Variants in STRN3 observed in about 807,000 individuals in gnomAD.
STRN3 encodes striatin-3.
A neutral mutation model predicts 95.6 loss-of-function variants in STRN3; 29 were observed. That is an observed-to-expected ratio of 0.30 (90% CI 0.23 to 0.41). The LOEUF is 0.41. STRN3 is among the 10% of genes least tolerant of loss of function. The pLI is 1.00. For synonymous variants in STRN3, 331 were observed against 357.6 expected, an observed-to-expected ratio of 0.93 and a Z score of 0.84; for missense variants, 890 against 972.1, an observed-to-expected ratio of 0.92 and a Z score of 1.12.
At chr14:31,025,234 G>A (rs568908450) in intron 1 of STRN3, 1 of 152,556 alleles carries the variant, frequency 6.6e-6, no homozygotes, top group Admixed American at 6.5e-5. Flanking sequence ...AGTGCTGAAA[G>A]CGTTGATGAG....
chr14:30,981,359 C>G (rs981211995), intron 1 of STRN3, among the ~76,000 whole-genome samples: 3 of 151,948 alleles, frequency 2.0e-5, no homozygotes, highest in African/African-American at 2.4e-5. Flanking sequence ...ATGTTGGCAC[C>G]CACACCTGTT....
chr14:30,934,499 T>C (rs963710365), intron 7 of STRN3, among the ~76,000 whole-genome samples: 3 of 152,166 alleles, frequency 2.0e-5, no homozygotes, highest in Admixed American at 6.5e-5. Context: ...TACACTTATT[T>C]TACTTCCTAA....
intron 14 of STRN3, among the ~76,000 whole-genome samples, 170 bp downstream of exon 14, chr14:30,906,707 T>C (rs951832863): frequency 5.3e-5 from 8 of 152,210 alleles, no homozygotes; most frequent in South Asian, 2.1e-4. Context: ...CTACAGGACA[T>C]AGTTGCAAAG....
intron 1 of STRN3, among the ~76,000 whole-genome samples, chr14:30,974,912 G>T (rs1881016117): frequency 6.6e-6 from 1 of 151,772 alleles, no homozygotes; most frequent in Non-Finnish European, 1.5e-5. Context: ...GCTTGACACA[G>T]AGTTGCCACA....
At position 30,895,457 on chromosome 14, in the gene STRN3, T is replaced by C; in HGVS notation, c.2348A>G (p.Tyr783Cys). Residue 783 changes from tyrosine (Y) to cysteine (C), a missense_variant, in exon 18 of 18, where the codon TAT becomes TGT. By Grantham distance (194) the Tyr-to-Cys change is radical (BLOSUM62 -2). This residue lies in a region of STRN3 where 357 missense variants were observed against 422.8 expected (regional missense o/e 0.84). Transcript: ENST00000357479. The part of the protein sequence containing the change: ...YDVAFHSSKA[Y>C]IASAGADALA... ...AGCATCAGCTCCTGCACTAGCTATATATGCTTTTGACGAGTGGAAAGCAAC... is the reference window on the plus strand; with the variant it reads ...AGCATCAGCTCCTGCACTAGCTATACATGCTTTTGACGAGTGGAAAGCAAC... 1 of 1,613,958 alleles carries C rather than the reference T, an allele frequency of 6.2e-7. No homozygotes were observed. Among genetic ancestry groups the C allele is most frequent in the Non-Finnish European group, 8.5e-7 (1 of 1,179,962 alleles).
intron 1 of STRN3, among the ~76,000 whole-genome samples, chr14:30,980,745 A>G (rs1243304555): frequency 6.6e-6 from 1 of 152,288 alleles, no homozygotes; most frequent in East Asian, 1.9e-4. Context: ...GCTTTGACAA[A>G]TAACTTCACA....
At chr14:31,010,270 T>G (rs1269927396) in intron 1 of STRN3, among the ~76,000 whole-genome samples, 1 of 152,014 alleles carries the variant, frequency 6.6e-6, no homozygotes, top group Admixed American at 6.6e-5. Context: ...AAGGTACATG[T>G]GCACAATGTG....
chr14:30,931,634 A>G (rs1378693990), intron 7 of STRN3, among the ~76,000 whole-genome samples: 1 of 152,230 alleles, frequency 6.6e-6, no homozygotes, highest in Non-Finnish European at 1.5e-5. Flanking sequence ...GATCAAAGAT[A>G]GGAGACAATA....
chr14:30,975,549 A>AG (rs1312581266), intron 1 of STRN3, among the ~76,000 whole-genome samples: 1 of 126,926 alleles, frequency 7.9e-6, no homozygotes, highest in Non-Finnish European at 1.8e-5. Flanking sequence ...ACTGAAAAAA[A>AG]AAAAAAAAGA....
intron 7 of STRN3, among the ~76,000 whole-genome samples, chr14:30,933,387 A>AAT (rs1878654272): frequency 6.6e-6 from 1 of 151,418 alleles, no homozygotes; most frequent in Non-Finnish European, 1.5e-5. Flanking sequence ...TAAATAAGTA[A>AAT]ATATATATAC....
At chr14:30,961,837 C>A (rs1441429980) in intron 1 of STRN3, among the ~76,000 whole-genome samples, 1 of 152,164 alleles carries the variant, frequency 6.6e-6, no homozygotes, top group Non-Finnish European at 1.5e-5. Flanking sequence ...GAACTCCTGG[C>A]CTCAAGTGGT....
chr14:30,957,397 G>A (rs935508981), intron 1 of STRN3, among the ~76,000 whole-genome samples: 106 of 148,748 alleles, frequency 7.1e-4, no homozygotes, highest in African/African-American at 2.6e-3. Flanking sequence ...AGCTTGCAGT[G>A]AGCCGAGATG....
chr14:30,987,948 G>C (rs1218452352), intron 1 of STRN3, among the ~76,000 whole-genome samples: 2 of 152,094 alleles, frequency 1.3e-5, no homozygotes, highest in African/African-American at 4.8e-5. Context: ...ATGTTGGTCA[G>C]GCTGGTCTTG....
At chr14:30,978,908 C>T (rs977875479) in intron 1 of STRN3, among the ~76,000 whole-genome samples, 4 of 151,834 alleles carry the variant, frequency 2.6e-5, no homozygotes, top group Non-Finnish European at 5.9e-5. Context: ...GTGGCACACG[C>T]CTGTAGTCCC....
intron 5 of STRN3, among the ~76,000 whole-genome samples, chr14:30,944,963 G>A (rs1454836963): frequency 2.6e-5 from 4 of 151,874 alleles, no homozygotes; most frequent in Non-Finnish European, 5.9e-5. Context: ...TACATCTAGG[G>A]TATAAAATAA....
chr14:31,000,724 A>AAC (rs891919930), intron 1 of STRN3, among the ~76,000 whole-genome samples: 1 of 152,166 alleles, frequency 6.6e-6, no homozygotes, highest in Non-Finnish European at 1.5e-5. Context: ...TATAGCACTT[A>AAC]ACACCACCCA....
chr14:31,015,170 T>C (rs2139335401), intron 1 of STRN3, among the ~76,000 whole-genome samples: 1 of 152,276 alleles, frequency 6.6e-6, no homozygotes, highest in East Asian at 1.9e-4. Context: ...ATTAGTTTCC[T>C]TGAAGGGTAT....
intron 9 of STRN3, among the ~76,000 whole-genome samples, chr14:30,914,375 C>G (rs909759128): frequency 1.3e-5 from 2 of 152,036 alleles, no homozygotes; most frequent in Non-Finnish European, 2.9e-5. Context: ...TATTTAGAGA[C>G]ACAGTCTTGC....
At chr14:31,020,412 C>A (rs920680391) in intron 1 of STRN3, among the ~76,000 whole-genome samples, 1 of 151,776 alleles carries the variant, frequency 6.6e-6, no homozygotes, top group African/African-American at 2.4e-5. Flanking sequence ...GGCATGAGAA[C>A]TGCCTGAACC....
Sources: allele counts gnomAD v4.1 joint callset (sites outside exome capture counted in the v4.1 genomes callset), GRCh38; gene constraint gnomAD v4.1.1; regional missense constraint gnomAD v4.1.1; transcripts MANE v1.5; gene names NCBI Gene and HGNC (gene_info 2026-07-23, HGNC 2026-07-21).